Variants in RNF180 observed in about 807,000 individuals in gnomAD.
RNF180 encodes ring finger protein 180.
In RNF180, 38 loss-of-function variants were observed where a neutral mutation model predicts 59.2. That is an observed-to-expected ratio of 0.64 (90% CI 0.50 to 0.84). The LOEUF (loss-of-function observed/expected upper bound fraction) is 0.84, where lower values mean the gene tolerates loss of function less well. Among genes scored for constraint, RNF180 ranks in the 40% least tolerant of loss-of-function variants. The pLI is 0.00. For synonymous variants in RNF180, 262 were observed against 240.3 expected, an observed-to-expected ratio of 1.09 and a Z score of -0.84; for missense variants, 705 against 700.9, an observed-to-expected ratio of 1.01 and a Z score of -0.07.
At chr5:64,351,596 G>T (rs1272471289) in intron 7 of RNF180, among the ~76,000 whole-genome samples, 1 of 151,784 alleles carries the variant, frequency 6.6e-6, no homozygotes, top group East Asian at 1.9e-4. Context: ...CTAATTTATT[G>T]AGAGTTTTTA....
At chr5:64,252,839 G>A (rs541139880) in intron 5 of RNF180, among the ~76,000 whole-genome samples, 201 of 152,154 alleles carry the variant, frequency 1.3e-3, no homozygotes, top group African/African-American at 4.6e-3. Flanking sequence ...TGATGAGGAC[G>A]ATGAAGGGCA....
chr5:64,322,373 G>T (rs1202033964), intron 5 of RNF180, among the ~76,000 whole-genome samples: 2 of 151,970 alleles, frequency 1.3e-5, no homozygotes, highest in African/African-American at 4.8e-5. Context: ...ATTTTATGCA[G>T]CCAACAAACA....
intron 7 of RNF180, among the ~76,000 whole-genome samples, chr5:64,366,846 TAG>T (rs1472497123): frequency 2.0e-5 from 3 of 151,578 alleles, no homozygotes; most frequent in African/African-American, 7.3e-5. Flanking sequence ...TTTGCAAGGC[TAG>T]AAATTTATTT....
chr5:64,208,247 A>G (rs1314675122), intron 2 of RNF180, among the ~76,000 whole-genome samples: 2 of 151,828 alleles, frequency 1.3e-5, no homozygotes, highest in East Asian at 3.9e-4. Flanking sequence ...TTATTACATG[A>G]AATTGCTATT....
At chr5:64,173,418 A>G (rs954611159) in intron 1 of RNF180, among the ~76,000 whole-genome samples, 1 of 152,170 alleles carries the variant, frequency 6.6e-6, no homozygotes, top group African/African-American at 2.4e-5. Context: ...TATATGTTGT[A>G]TGATGATTAA....
chr5:64,191,746 C>G (rs1024446356), intron 1 of RNF180, among the ~76,000 whole-genome samples: 2 of 152,108 alleles, frequency 1.3e-5, no homozygotes, highest in African/African-American at 2.4e-5. Context: ...CCATAAGTTG[C>G]CTTTTCACTC....
At chr5:64,273,683 AAG>A (rs1449863379) in intron 5 of RNF180, among the ~76,000 whole-genome samples, 2 of 152,032 alleles carry the variant, frequency 1.3e-5, no homozygotes, top group Non-Finnish European at 2.9e-5. Flanking sequence ...TAAGAAAACT[AAG>A]AAAAAAAGTA....
intron 1 of RNF180, among the ~76,000 whole-genome samples, chr5:64,185,053 A>G (rs1025090157): frequency 4.6e-5 from 7 of 152,120 alleles, no homozygotes; most frequent in African/African-American, 1.7e-4. Flanking sequence ...TTACCCGTTG[A>G]TGGCAGTTTC....
chr5:64,236,184 G>A (rs1049895876), intron 5 of RNF180, among the ~76,000 whole-genome samples: 1 of 152,208 alleles, frequency 6.6e-6, no homozygotes, highest in African/African-American at 2.4e-5. Flanking sequence ...ATAGTTATAT[G>A]GACAGTGAAG....
intron 1 of RNF180, 139 bp from the exon 2 acceptor site, chr5:64,200,669 C>T: frequency 3.1e-6 from 2 of 640,822 alleles, no homozygotes; most frequent in Non-Finnish European, 5.3e-6. Context: ...AAACCTAAGA[C>T]CTGATAACTG....
rs572751683 is a variant in RNF180, at chr5:64,189,215, C to T, written c.1-11593C>T. On this transcript the variant is annotated intron_variant, in intron 1 of 7. Transcript: ENST00000389100. ...TGGTATTGTGTTATGGTAGCCCAAG[C>T]AGAATAGTGCATATTTTGGTACTGT... Among the ~76,000 whole-genome samples the T allele has an allele frequency of 4.7e-4, 71 of 152,038 alleles. No individual in the cohort carries two copies. In the South Asian group the frequency reaches 0.013, roughly 29 times the overall value.
chr5:64,288,339 C>T (rs1373566623), intron 5 of RNF180, among the ~76,000 whole-genome samples: 1 of 152,146 alleles, frequency 6.6e-6, no homozygotes, highest in African/African-American at 2.4e-5. Flanking sequence ...AGTGTGATGC[C>T]TCCAGCTTTG....
intron 5 of RNF180, among the ~76,000 whole-genome samples, chr5:64,287,112 A>G (rs1580182712): frequency 6.6e-6 from 1 of 152,050 alleles, no homozygotes; most frequent in Non-Finnish European, 1.5e-5. Flanking sequence ...AATTACAGGC[A>G]CCTGCCACCA....
chr5:64,181,267 C>T (rs1347153185), intron 1 of RNF180, among the ~76,000 whole-genome samples: 5 of 152,202 alleles, frequency 3.3e-5, no homozygotes, highest in Non-Finnish European at 5.9e-5. Context: ...CCCTCACAGA[C>T]ACACCCAGGA....
chr5:64,322,602 C>CGTGTGT (rs76117470), intron 5 of RNF180, among the ~76,000 whole-genome samples: 5,221 of 143,438 alleles, frequency 0.036, 141 homozygotes, highest in East Asian at 0.084. Flanking sequence ...TATATATATA[C>CGTGTGT]GTGTGTGTGT....
At chr5:64,351,410 G>A (rs1354165428) in intron 7 of RNF180, among the ~76,000 whole-genome samples, 2 of 151,980 alleles carry the variant, frequency 1.3e-5, no homozygotes, top group Non-Finnish European at 2.9e-5. Flanking sequence ...TCTCCTGCCT[G>A]ATTGCCCTGG....
chr5:64,358,142 C>T (rs1173250447), intron 7 of RNF180, among the ~76,000 whole-genome samples: 2 of 151,808 alleles, frequency 1.3e-5, no homozygotes, highest in East Asian at 3.9e-4. Flanking sequence ...CTGCTGGGTG[C>T]TCCACCCAAC....
At chr5:64,338,300 A>T (rs1030991425) in intron 7 of RNF180, among the ~76,000 whole-genome samples, 1 of 152,016 alleles carries the variant, frequency 6.6e-6, no homozygotes, top group Non-Finnish European at 1.5e-5. Flanking sequence ...CTTCTATTTG[A>T]TTTTGAACGG....
intron 5 of RNF180, among the ~76,000 whole-genome samples, chr5:64,298,131 C>T (rs1742979975): frequency 6.6e-6 from 1 of 152,000 alleles, no homozygotes. Flanking sequence ...GTTTTCTACT[C>T]CTGCATTAGT....
Sources: allele counts gnomAD v4.1 joint callset (sites outside exome capture counted in the v4.1 genomes callset), GRCh38; gene constraint gnomAD v4.1.1; transcripts MANE v1.5; gene names NCBI Gene and HGNC (gene_info 2026-07-23, HGNC 2026-07-21).